TOGARAM2: variants seen among roughly 807,000 people sequenced by gnomAD.
TOGARAM2 encodes TOG array regulator of axonemal microtubules protein 2.
A neutral mutation model predicts 93.3 loss-of-function variants in TOGARAM2; 85 were observed. The observed-to-expected ratio is 0.91, with a 90% CI of 0.76 to 1.09. The LOEUF is 1.09. Among genes scored for constraint, TOGARAM2 ranks in the 50% least tolerant of loss-of-function variants. The pLI, the probability that TOGARAM2 is intolerant of heterozygous loss-of-function variation, is 0.00. For synonymous variants in TOGARAM2, 593 were observed against 552.8 expected (o/e 1.07, Z -1.02); for missense variants, 1,277 against 1,334.5 (o/e 0.96, Z 0.67).
Position 29,024,317 on chromosome 2 carries a change from T to C in TOGARAM2, c.1796T>C (p.Met599Thr), listed in dbSNP as rs1665185216. The change falls in exon 13 of 20, where the codon ATG becomes ACG. Residue 599 changes from methionine to threonine, a missense_variant. Coordinates refer to ENST00000379558, the MANE Select transcript of TOGARAM2 (RefSeq NM_199280.4). The stretch of plus-strand genomic sequence containing the variant: ...GCAGCCGGCCAGTCTCTGAGGGCTA[T>C]GGTGGAGAATGTGACCCTTGCCCGC... ...QRAAGQSLRA[M>T]VENVTLARSL... 2 of 1,612,962 alleles carry C rather than the reference T, an allele frequency of 1.2e-6. No homozygotes were observed. The highest frequency in any genetic ancestry group is 1.7e-6 in the Non-Finnish European group (2 of 1,179,538).
intron 1 of TOGARAM2, among the ~76,000 whole-genome samples, chr2:28,960,189 A>G (rs1461025515): frequency 2.0e-5 from 3 of 152,176 alleles, no homozygotes; most frequent in Non-Finnish European, 4.4e-5. Context: ...TTGTGTGCAT[A>G]TATTTATTTT....
At chr2:29,039,603 C>T (rs1320221380) in intron 18 of TOGARAM2, among the ~76,000 whole-genome samples, 2 of 152,182 alleles carry the variant, frequency 1.3e-5, no homozygotes, top group African/African-American at 4.8e-5. Flanking sequence ...GTTGGCAGAG[C>T]AGGTGGGGAT....
chr2:29,033,925 G>A (rs1202705512), intron 16 of TOGARAM2, among the ~76,000 whole-genome samples: 1 of 152,140 alleles, frequency 6.6e-6, no homozygotes, highest in African/African-American at 2.4e-5. Flanking sequence ...CCTGGGACTA[G>A]TTCAGAGGCC....
Position 29,036,639 on chromosome 2 carries a change from G to A in TOGARAM2, c.2517G>A (p.Glu839=), listed in dbSNP as rs142594984. 1 of 1,613,998 alleles carries A rather than the reference G, an allele frequency of 6.2e-7. No homozygotes were observed. The highest frequency in any genetic ancestry group is 8.5e-7 in the Non-Finnish European group (1 of 1,179,892). Residue 839 remains glutamate (E), a synonymous_variant, in exon 18 of 20, where the codon GAG becomes GAA. Coordinates refer to ENST00000379558, the MANE Select transcript of TOGARAM2 (RefSeq NM_199280.4). The part of the protein sequence containing the change: ...SFAKMIPLLR[E]SLHPMLLSII... ...CCAAGATGATCCCCCTCCTCAGAGA[G>A]AGCTTACACCCCATGCTGCTCTCCA...
intron 14 of TOGARAM2, among the ~76,000 whole-genome samples, chr2:29,032,030 C>T (rs577712233): frequency 6.6e-6 from 1 of 152,286 alleles, no homozygotes; most frequent in African/African-American, 2.4e-5. Context: ...AGGCCTGCAC[C>T]ATCTTTTTCC....
chr2:29,051,566 T>G, intron 19 of TOGARAM2, 190 bp from the exon 20 acceptor site: 1 of 509,354 alleles, frequency 2.0e-6, no homozygotes, highest in Non-Finnish European at 3.4e-6. Context: ...GTTGGACATA[T>G]TCATATATTT....
intron 12 of TOGARAM2, 28 bp from the exon 13 acceptor site, chr2:29,024,111 C>A: frequency 6.5e-7 from 1 of 1,548,772 alleles, no homozygotes; most frequent in East Asian, 2.4e-5. Context: ...GGTCCAGCAC[C>A]CTGGAGGGCC....
chr2:28,968,943 C>T (rs1265759100), intron 1 of TOGARAM2, among the ~76,000 whole-genome samples: 2 of 151,514 alleles, frequency 1.3e-5, no homozygotes, highest in East Asian at 1.9e-4. Context: ...CTGCTGTGAT[C>T]GCTGTCAGTA....
chr2:28,965,493 C>T (rs908945613), intron 1 of TOGARAM2, among the ~76,000 whole-genome samples: 4 of 152,188 alleles, frequency 2.6e-5, no homozygotes, highest in South Asian at 4.1e-4. Flanking sequence ...TGGCCTTTCC[C>T]GTTCCCTAGT....
Position 28,975,413 on chromosome 2 carries a change from C to T in TOGARAM2, c.-147+18716C>T, listed in dbSNP as rs146488503. On this transcript the variant is annotated intron_variant, in intron 1 of 6. Coordinates refer to the TOGARAM2 transcript ENST00000401723. ...CTGTGTTTGCCAGGATGGTCTCGAT[C>T]TCCTGACCTCGTGATCTGCCCGCCT... Among the ~76,000 whole-genome samples, 780 of 152,190 alleles carry T rather than the reference C, an allele frequency of 5.1e-3. 6 individuals carry two copies. Among genetic ancestry groups the T allele is most frequent in the African/African-American group, 0.018 (739 of 41,512 alleles).
At chr2:29,038,347 C>G (rs1176393250) in intron 18 of TOGARAM2, among the ~76,000 whole-genome samples, 1 of 152,176 alleles carries the variant, frequency 6.6e-6, no homozygotes. Flanking sequence ...CTCTTCCTCT[C>G]TAATCCATAG....
chr2:28,978,690 C>A (rs1022562766), upstream of TOGARAM2, among the ~76,000 whole-genome samples: 4 of 152,182 alleles, frequency 2.6e-5, no homozygotes, highest in Admixed American at 1.3e-4. Context: ...CAAGAGCCCT[C>A]TTCCCAGCTT....
chr2:29,019,025 T>A (rs1664765142), intron 10 of TOGARAM2, among the ~76,000 whole-genome samples: 1 of 152,186 alleles, frequency 6.6e-6, no homozygotes, highest in Non-Finnish European at 1.5e-5. Flanking sequence ...CCTTTAAAGT[T>A]AAATTCTTTA....
At chr2:29,006,312 TG>T (rs1440957052) in intron 6 of TOGARAM2, among the ~76,000 whole-genome samples, 2 of 148,320 alleles carry the variant, frequency 1.3e-5, no homozygotes. Context: ...TGTGAGTGCC[TG>T]TGTGTGGAGT....
upstream of TOGARAM2, chr2:28,981,254 A>G (rs1460476115): frequency 2.6e-5 from 4 of 152,296 alleles, no homozygotes; most frequent in Non-Finnish European, 5.9e-5. Flanking sequence ...TCCCCCGCGC[A>G]GGGAGCTATG....
chr2:28,985,062 T>G (rs1271844001), intron 1 of TOGARAM2, among the ~76,000 whole-genome samples: 1 of 152,212 alleles, frequency 6.6e-6, no homozygotes, highest in Non-Finnish European at 1.5e-5. Context: ...AATGCAAATG[T>G]TAAAGCCTAA....
Position 28,992,847 on chromosome 2 carries a change from G to A in TOGARAM2, c.-110-1878G>A, listed in dbSNP as rs540390119. On this transcript the variant is annotated intron_variant, in intron 1 of 19. Transcript: ENST00000379558. ...GGCCGAGGCAGGCAGATTACTTGAGGCCAGAAGTTTGAGACCAGCCTCGCC... is the reference window on the plus strand; with the variant it reads ...GGCCGAGGCAGGCAGATTACTTGAGACCAGAAGTTTGAGACCAGCCTCGCC... Among the ~76,000 whole-genome samples, 6 of 152,228 alleles carry A rather than the reference G, an allele frequency of 3.9e-5. No individual in the cohort carries two copies. In the East Asian group the frequency reaches 1.2e-3, roughly 29 times the overall value.
upstream of TOGARAM2, among the ~76,000 whole-genome samples, chr2:28,980,689 G>A (rs1321426879): frequency 6.6e-6 from 1 of 152,198 alleles, no homozygotes; most frequent in African/African-American, 2.4e-5. Flanking sequence ...CAAAAGTTAA[G>A]GTGGAGAAAT....
At chr2:28,999,628 G>A (rs1171293729) in intron 4 of TOGARAM2, among the ~76,000 whole-genome samples, 160 bp downstream of exon 4, 1 of 152,152 alleles carries the variant, frequency 6.6e-6, no homozygotes, top group Non-Finnish European at 1.5e-5. Flanking sequence ...TGGCTTCAGC[G>A]ACCTCCTTGG....
Sources: allele counts gnomAD v4.1 joint callset (sites outside exome capture counted in the v4.1 genomes callset), GRCh38; gene constraint gnomAD v4.1.1; transcripts MANE v1.5; gene names NCBI Gene and HGNC (gene_info 2026-07-23, HGNC 2026-07-21).